Variants in EP400 observed in about 807,000 individuals in gnomAD.
The protein encoded by EP400 is E1A-binding protein p400.
EP400 carries 105 observed loss-of-function variants against 354.1 expected under a neutral mutation model. That is an observed-to-expected ratio of 0.30 (90% CI 0.25 to 0.35). The LOEUF (loss-of-function observed/expected upper bound fraction) is 0.35, where lower values mean the gene tolerates loss of function less well. Among genes scored for constraint, EP400 ranks in the 10% least tolerant of loss-of-function variants. The probability of loss-of-function intolerance (pLI) is 1.00; values close to 1 mark genes in which losing one functional copy is unlikely to be tolerated. For synonymous variants in EP400, 1,646 were observed against 1,716.9 expected (o/e 0.96, Z 1.02); for missense variants, 3,280 against 4,121.0 (o/e 0.80, Z 5.59).
At chr12:132,062,846 G>GT (rs1895754170) in intron 47 of EP400, 145 bp downstream of exon 47, 1 of 1,042,680 alleles carries the variant, frequency 9.6e-7, no homozygotes. Flanking sequence ...CGCGTGCTTC[G>GT]TTTTATTGGT....
intron 39 of EP400, among the ~76,000 whole-genome samples, chr12:132,048,172 G>A (rs186618253): frequency 1.4e-4 from 22 of 152,214 alleles, no homozygotes; most frequent in Admixed American, 1.3e-3. Context: ...GTCCTGAGGC[G>A]ACATACATCC....
rs1000559887 is a variant in EP400 at position 132,030,578 on chromosome 12, G to T, written c.5754+420G>T. ...GAGTCAGACACTCTCATATCCTCCC[G>T]TGAAAGCATAAACTAGTATAGTTCT... On this transcript the variant is annotated intron_variant, in intron 29 of 52. Coordinates refer to ENST00000389561, the MANE Select transcript of EP400 (RefSeq NM_015409.5). Among the ~76,000 whole-genome samples, 6 of 152,156 alleles carry T rather than the reference G, an allele frequency of 3.9e-5. No individual in the cohort carries two copies. In the East Asian group the frequency reaches 7.7e-4, roughly 19 times the overall value.
chr12:131,978,853 T>A (rs1291006830), intron 2 of EP400, among the ~76,000 whole-genome samples: 2 of 152,288 alleles, frequency 1.3e-5, no homozygotes, highest in Admixed American at 6.5e-5. Context: ...AACATCTGTC[T>A]ATTTATATCT....
In EP400 at chr12:132,044,164, C is replaced by T. The variant is rs769477940; in HGVS notation, c.6451-13C>T. 6 of 1,612,286 alleles carry T rather than the reference C, an allele frequency of 3.7e-6. No homozygotes were observed. Among genetic ancestry groups the T allele is most frequent in the Admixed American group, 1.7e-5 (1 of 59,950 alleles). On this transcript the variant is annotated splice_polypyrimidine_tract_variant and intron_variant, in intron 34 of 52. Transcript: ENST00000389561. ...CTCCTGATCCTGAAAGTTCTTGCTG[C>T]TCTCCCCGTCAGGACGCAGTGATGA...
chr12:131,990,191 T>C lies in EP400; in HGVS notation c.2550+87T>C, dbSNP rs1892986302. The C allele has an allele frequency of 6.7e-7, 1 of 1,493,834 alleles. No individual in the cohort carries two copies. Among genetic ancestry groups the C allele is most frequent in the Non-Finnish European group, 9.0e-7 (1 of 1,115,236 alleles). The allele number at this position is 1,493,834 out of a possible 1,614,324, so 92.5% of individuals were successfully genotyped here. ...TCCCGAGACCAGAGCTCGGGCACCT[T>C]GCTTAGGAAGCTTTCGAGCACCAGA... On this transcript the variant is annotated intron_variant, in intron 8 of 52. Transcript: ENST00000389561. This position sits in a 1 kb window ranked among gnomAD's most constrained non-coding sequence, Gnocchi z 4.2.
chr12:132,032,105 G>A lies in EP400; in HGVS notation c.5907G>A (p.Glu1969=), dbSNP rs1274970143. The A allele has an allele frequency of 6.2e-7, 1 of 1,614,102 alleles. No individual in the cohort carries two copies. The highest frequency in any genetic ancestry group is 2.2e-5 in the East Asian group (1 of 44,890). ...CAGTGATGGATGCCAAAGCTCAGGA[G>A]TGGTGCGATAGGATCGGGAGATGCA... is the stretch of plus-strand genomic sequence containing the variant. ...LNPVMDAKAQ[E]WCDRIGRCKD... The change falls in exon 30 of 53, where the codon GAG becomes GAA. Residue 1969 remains glutamate (E), a synonymous_variant. Transcript: ENST00000389561.
intron 39 of EP400, among the ~76,000 whole-genome samples, chr12:132,046,414 G>A (rs562808646): frequency 2.0e-5 from 3 of 152,140 alleles, no homozygotes; most frequent in African/African-American, 4.8e-5. Flanking sequence ...AAGCTGTCTC[G>A]CTTTGTTTTG....
At chr12:132,007,015 C>A in intron 15 of EP400, 138 bp downstream of exon 15, 2 of 876,560 alleles carry the variant, frequency 2.3e-6, no homozygotes, top group Non-Finnish European at 1.7e-6. Flanking sequence ...CAAATTGAGG[C>A]TCAGAAGTAT....
At position 132,017,527 on chromosome 12, in the gene EP400, A is replaced by T; in HGVS notation, c.3924-8A>T. On this transcript the variant is annotated splice_polypyrimidine_tract_variant and splice_region_variant and intron_variant, in intron 19 of 52. Transcript: ENST00000389561. The surrounding 1 kb of genome is among the most constrained non-coding windows in gnomAD (Gnocchi z 5.0). ...TTGAATGCTTCGTGTTTCTTTCTCC[A>T]CGGGCAGCACTCAGGAGGCCTTGAA... 6.2e-7 allele frequency: 1 copy of T among 1,613,168 alleles called. No homozygotes were observed. The highest frequency in any genetic ancestry group is 8.5e-7 in the Non-Finnish European group (1 of 1,179,626).
chr12:131,977,852 T>A (rs1361146956), intron 2 of EP400, among the ~76,000 whole-genome samples: 1 of 152,206 alleles, frequency 6.6e-6, no homozygotes, highest in African/African-American at 2.4e-5. Flanking sequence ...GTCTGTGGCA[T>A]GGCTGGTGGT....
At chr12:132,024,704 A>G (rs1894239408) in intron 24 of EP400, among the ~76,000 whole-genome samples, 1 of 121,656 alleles carries the variant, frequency 8.2e-6, no homozygotes, top group African/African-American at 3.2e-5. Flanking sequence ...CTTCCTCGAC[A>G]GCAGCCTCAG....
Position 132,054,202 on chromosome 12 carries a change from G to C in EP400, c.7728+605G>C, listed in dbSNP as rs1895406466. Among the ~76,000 whole-genome samples the C allele has an allele frequency of 6.6e-6, 1 of 152,242 alleles. No homozygotes were observed. The highest frequency in any genetic ancestry group is 6.5e-5 in the Admixed American group (1 of 15,282). ...CGCAGAATCACACCTGCAGAGAATA[G>C]GAGCTGTGCCAAATTGGGGAAACCC... On this transcript the variant is annotated intron_variant, in intron 43 of 52. Transcript: ENST00000389561. The surrounding 1 kb of genome is among the most constrained non-coding windows in gnomAD (Gnocchi z 4.0).
chr12:131,957,936 A>G (rs192415619), intron 1 of EP400, among the ~76,000 whole-genome samples: 1 of 152,304 alleles, frequency 6.6e-6, no homozygotes, highest in East Asian at 1.9e-4. Flanking sequence ...TGAGAGTTTA[A>G]GTTGAATTTC....
intron 50 of EP400, chr12:132,068,547 A>G (rs1055294003): frequency 6.6e-6 from 1 of 152,288 alleles, no homozygotes; most frequent in Non-Finnish European, 1.5e-5. Flanking sequence ...CAGCAATGGC[A>G]TGCTCTGTGG....
intron 29 of EP400, among the ~76,000 whole-genome samples, chr12:132,031,742 A>T (rs1039776213): frequency 6.6e-6 from 1 of 151,786 alleles, no homozygotes; most frequent in South Asian, 2.1e-4. Context: ...TTTTTAGTAG[A>T]GACGGGGTTT....
At chr12:132,033,824 A>AAGT (rs1224698853) in intron 30 of EP400, among the ~76,000 whole-genome samples, 1 of 152,098 alleles carries the variant, frequency 6.6e-6, no homozygotes, top group Non-Finnish European at 1.5e-5. Context: ...GAGTCACTGC[A>AAGT]CCCGGCCAAC....
At chr12:132,071,742 C>T (rs1253237265) in intron 51 of EP400, among the ~76,000 whole-genome samples, 1 of 152,176 alleles carries the variant, frequency 6.6e-6, no homozygotes, top group Non-Finnish European at 1.5e-5. Flanking sequence ...GGCCTGTGCA[C>T]CCCTCTGCAC....
chr12:132,052,502 T>G lies in EP400; in HGVS notation c.7395-644T>G, dbSNP rs1305580593. ...CTCGTGAGATGTTTTCAGAGCGCAC[T>G]GTTGAGAATTGCAGCCCCGCCCTGC... On this transcript the variant is annotated intron_variant, in intron 41 of 52. Coordinates refer to ENST00000389561, the MANE Select transcript of EP400 (RefSeq NM_015409.5). The surrounding 1 kb of genome is among the most constrained non-coding windows in gnomAD (Gnocchi z 4.4). 6.6e-6 allele frequency among the ~76,000 whole-genome samples: 1 copy of G among 152,232 alleles called. No homozygotes were observed. The highest frequency in any genetic ancestry group is 1.9e-4 in the East Asian group (1 of 5,190).
rs1244215902 is a variant in EP400, at chr12:131,982,488, A to G, written c.1929+10A>G. 6.3e-7 allele frequency: 1 copy of G among 1,581,672 alleles called. No homozygotes were observed. The highest frequency in any genetic ancestry group is 8.6e-7 in the Non-Finnish European group (1 of 1,160,762). ...TTCCTCCCTGCCACAGGTATGAGAA[A>G]AGATAGAGGAAAAAAAGAAAATGGT... On this transcript the variant is annotated intron_variant, in intron 5 of 52. Coordinates refer to ENST00000389561, the MANE Select transcript of EP400 (RefSeq NM_015409.5).
Sources: gnomAD v4.1 joint callset for allele counts (sites outside exome capture counted in the v4.1 genomes callset) on GRCh38, gnomAD v4.1.1 for gene constraint, Gnocchi (gnomAD v3.1) non-coding constraint, MANE v1.5 for transcripts, NCBI Gene and HGNC (gene_info 2026-07-23, HGNC 2026-07-21) for gene names.